The following OPN3 variants were observed in gnomAD, a reference collection of about 807,000 sequenced individuals.
OPN3 encodes the protein opsin 3.
In OPN3, 29 loss-of-function variants were observed where a neutral mutation model predicts 33.8. The ratio of observed to expected loss-of-function variants is 0.86; its 90% CI spans 0.64 to 1.17. The LOEUF is 1.17. Among genes scored for constraint, OPN3 ranks in the 50% most tolerant of loss-of-function variants. The pLI is 0.00. For missense variants in OPN3, 437 were observed against 514.1 expected, an observed-to-expected ratio of 0.85 and a Z score of 1.45; for synonymous variants, 216 against 216.1, an observed-to-expected ratio of 1.00 and a Z score of 0.00.
chr1:241,603,443 G>A (rs577335682), intron 2 of OPN3, among the ~76,000 whole-genome samples: 1 of 150,004 alleles, frequency 6.7e-6, no homozygotes, highest in Admixed American at 6.6e-5. Context: ...AAGGCTGAGA[G>A]GACATCTAAG....
In OPN3 at chr1:241,604,530, A is replaced by C; in HGVS notation, c.423T>G (p.Ile141Met). Reference protein sequence around the residue: ...TLTVLAYERYIRVVHARVINF... With the variant: ...TLTVLAYERYMRVVHARVINF... The stretch of plus-strand genomic sequence containing the variant: ...TGATCACTCTGGCATGGACCACGCG[A>C]ATGTAACGTTCATAGGCCAGCACGG... The change falls in exon 2 of 4, where the codon ATT becomes ATG. Residue 141 changes from isoleucine to methionine, a missense_variant. By Grantham distance (10) the Ile-to-Met change is conservative. Coordinates refer to ENST00000366554, the MANE Select transcript of OPN3 (RefSeq NM_014322.3). 1 of 1,614,082 alleles carries C rather than the reference A, an allele frequency of 6.2e-7. No homozygotes were observed. Among genetic ancestry groups the C allele is most frequent in the Non-Finnish European group, 8.5e-7 (1 of 1,179,990 alleles).
intron 1 of OPN3, chr1:241,632,877 T>TCTCCTTAGGAATTCCTAAGAATTC (rs1163607449): frequency 2.0e-5 from 3 of 152,038 alleles, no homozygotes; most frequent in African/African-American, 4.8e-5. Flanking sequence ...TCACTCTGTT[T>TCTCCTTAGGAATTCCTAAGAATTC]CTCCTTAGGA....
intron 2 of OPN3, among the ~76,000 whole-genome samples, chr1:241,601,340 T>G (rs2147998581): frequency 6.7e-6 from 1 of 149,890 alleles, no homozygotes; most frequent in East Asian, 2.0e-4. Flanking sequence ...AGCAAAAATT[T>G]TAAAAAGGAG....
At chr1:241,636,009 T>C in intron 1 of OPN3, 2 of 490,688 alleles carry the variant, frequency 4.1e-6, no homozygotes, top group Non-Finnish European at 7.2e-6. Flanking sequence ...GTTTCATTTC[T>C]GCATTTCATC....
At chr1:241,618,975 T>A (rs1219995345) in intron 1 of OPN3, among the ~76,000 whole-genome samples, 1 of 149,390 alleles carries the variant, frequency 6.7e-6, no homozygotes, top group Non-Finnish European at 1.5e-5. Flanking sequence ...GGCTAGTTTA[T>A]ATATATATAT....
Position 241,639,956 on chromosome 1 carries a change from ACGAAGGTAAAGGTGACCC to A in OPN3, c.281_298del (p.Gly94_Phe99del). The A allele has an allele frequency of 6.2e-7, 1 of 1,611,010 alleles. No individual in the cohort carries two copies. The highest frequency in any genetic ancestry group is 8.5e-7 in the Non-Finnish European group (1 of 1,178,886). ...CACCCAGCCGTTCCTCAGGCAGGAC[ACGAAGGTAAAGGTGACCC>A]CGAAGAGGGACACCAGCAGGTCGCT... On this transcript the variant is annotated inframe_deletion, in exon 1 of 4. Transcript: ENST00000366554.
chr1:241,618,795 G>A (rs657828), intron 1 of OPN3, among the ~76,000 whole-genome samples: 4,968 of 150,680 alleles, frequency 0.033, 296 homozygotes, highest in African/African-American at 0.11. Flanking sequence ...AGACTTTCAT[G>A]TATATGCCAG....
At chr1:241,617,934 G>A (rs1365199300) in intron 1 of OPN3, among the ~76,000 whole-genome samples, 1 of 151,878 alleles carries the variant, frequency 6.6e-6, no homozygotes, top group Non-Finnish European at 1.5e-5. Context: ...AATCTGGACA[G>A]GCAAGAAAAA....
chr1:241,597,802 A>G lies in OPN3; in HGVS notation c.889T>C (p.Phe297Leu). ...TPTISIVSYL[F>L]AKSNTVYNPV... ...TTGTATACAGTGTTCGATTTAGCAA[A>G]GAGGTACGAAACAATAGATATTGTT... The change falls in exon 3 of 4, where the codon TTT becomes CTT. Residue 297 changes from phenylalanine to leucine, a missense_variant. Phe to Leu is a conservative substitution (Grantham distance 22). Coordinates refer to ENST00000366554, the MANE Select transcript of OPN3 (RefSeq NM_014322.3). 1.2e-6 allele frequency: 2 copies of G among 1,614,018 alleles called. No homozygotes were observed. The highest frequency in any genetic ancestry group is 2.2e-5 in the South Asian group (2 of 91,070).
rs769080965 is a variant in OPN3 at position 241,634,650 on chromosome 1, T to A, written c.373+5232A>T. ...CCATACAAGGGAAATAAAAAGGGGG[T>A]GTTGCCAAACCGTCCGAGACACTGA... On this transcript the variant is annotated intron_variant, in intron 1 of 3. Transcript: ENST00000366554. 8 of 1,613,704 alleles carry A rather than the reference T, an allele frequency of 5.0e-6. No individual in the cohort carries two copies. The South Asian group carries it at 8.8e-5, about 18-fold the overall frequency.
chr1:241,599,925 A>G (rs1478522971), intron 2 of OPN3, among the ~76,000 whole-genome samples: 1 of 152,218 alleles, frequency 6.6e-6, no homozygotes, highest in Non-Finnish European at 1.5e-5. Context: ...ACACACTTGT[A>G]TGTATATGTA....
chr1:241,621,020 C>T (rs1664259193), intron 1 of OPN3, among the ~76,000 whole-genome samples: 1 of 152,056 alleles, frequency 6.6e-6, no homozygotes, highest in South Asian at 2.1e-4. Flanking sequence ...GGAAGCACTG[C>T]TTGGATTCAC....
chr1:241,598,123 C>A (rs1170284072), intron 2 of OPN3, 126 bp from the exon 3 acceptor site: 5 of 1,065,868 alleles, frequency 4.7e-6, no homozygotes, highest in Non-Finnish European at 6.6e-6. Context: ...CTGAATGGCA[C>A]CTTGGCAGGC....
intron 1 of OPN3, among the ~76,000 whole-genome samples, chr1:241,620,468 A>G (rs1328178827): frequency 1.3e-5 from 2 of 152,130 alleles, no homozygotes; most frequent in African/African-American, 2.4e-5. Flanking sequence ...TGCTGTTGTA[A>G]GAGGCCACAG....
At chr1:241,606,327 T>C (rs1045206435) in intron 1 of OPN3, among the ~76,000 whole-genome samples, 2 of 152,132 alleles carry the variant, frequency 1.3e-5, no homozygotes, top group East Asian at 1.9e-4. Flanking sequence ...GTGGATCACC[T>C]GAGGTCAGGG....
At chr1:241,599,420 T>C (rs571720333) in intron 2 of OPN3, among the ~76,000 whole-genome samples, 8 of 152,242 alleles carry the variant, frequency 5.3e-5, no homozygotes, top group Non-Finnish European at 1.0e-4. Context: ...TGTTCAGAGA[T>C]AACTATTTTT....
At chr1:241,634,847 T>C (rs1664814875) in intron 1 of OPN3, 1 of 1,610,790 alleles carries the variant, frequency 6.2e-7, no homozygotes, top group African/African-American at 1.3e-5. Context: ...ATGTTGTTCA[T>C]ACTCTAAACA....
At chr1:241,621,429 T>C (rs1664266159) in intron 1 of OPN3, among the ~76,000 whole-genome samples, 1 of 152,158 alleles carries the variant, frequency 6.6e-6, no homozygotes, top group Non-Finnish European at 1.5e-5. Flanking sequence ...TAAAGTTTTA[T>C]ATTCCCTGCA....
chr1:241,603,312 T>A (rs1021207059), intron 2 of OPN3, among the ~76,000 whole-genome samples: 1 of 152,142 alleles, frequency 6.6e-6, no homozygotes, highest in Non-Finnish European at 1.5e-5. Flanking sequence ...GAAGCAGACT[T>A]ACTTGATAAG....
Sources: allele counts gnomAD v4.1 joint callset (sites outside exome capture counted in the v4.1 genomes callset), GRCh38; gene constraint gnomAD v4.1.1; transcripts MANE v1.5; gene names NCBI Gene and HGNC (gene_info 2026-07-23, HGNC 2026-07-21).